The following CACNA2D3 variants were observed in gnomAD, a reference collection of about 807,000 sequenced individuals.
The protein encoded by CACNA2D3 is calcium voltage-gated channel auxiliary subunit alpha2delta 3, also known as voltage-dependent calcium channel subunit alpha-2/delta-3.
A neutral mutation model predicts 160.6 loss-of-function variants in CACNA2D3; 60 were observed. The ratio of observed to expected loss-of-function variants is 0.37; its 90% CI spans 0.30 to 0.46. The LOEUF (loss-of-function observed/expected upper bound fraction) is 0.46. Ranked by LOEUF, CACNA2D3 falls within the 20% of genes least tolerant of loss-of-function variation. CACNA2D3 has a pLI of 1.00. For synonymous variants in CACNA2D3, 558 were observed against 492.9 expected, an observed-to-expected ratio of 1.13 and a Z score of -1.75; for missense variants, 1,205 against 1,365.0, an observed-to-expected ratio of 0.88 and a Z score of 1.85.
chr3:54,345,559 G>A (rs1225779090), intron 3 of CACNA2D3, among the ~76,000 whole-genome samples: 1 of 152,116 alleles, frequency 6.6e-6, no homozygotes. Flanking sequence ...TGGTGAGAGG[G>A]CAGAGGAGCT....
intron 4 of CACNA2D3, among the ~76,000 whole-genome samples, chr3:54,431,658 G>A (rs1699992716): frequency 6.6e-6 from 1 of 152,148 alleles, no homozygotes; most frequent in Non-Finnish European, 1.5e-5. Context: ...TGTTGCCCAG[G>A]CTGGAGTGCA....
chr3:54,481,916 A>T (rs1229829439), intron 4 of CACNA2D3, among the ~76,000 whole-genome samples: 1 of 152,228 alleles, frequency 6.6e-6, no homozygotes, highest in Non-Finnish European at 1.5e-5. Flanking sequence ...GTGAAAATAT[A>T]CATATGGGGA....
intron 5 of CACNA2D3, among the ~76,000 whole-genome samples, chr3:54,526,924 C>A (rs1244290256): frequency 6.6e-6 from 1 of 152,248 alleles, no homozygotes; most frequent in East Asian, 1.9e-4. Flanking sequence ...CTGCTGATCT[C>A]AGGTGATCTG....
chr3:54,296,590 C>A (rs957552792), intron 2 of CACNA2D3, among the ~76,000 whole-genome samples: 1 of 152,188 alleles, frequency 6.6e-6, no homozygotes, highest in Non-Finnish European at 1.5e-5. Flanking sequence ...TCACATTATC[C>A]TCTAATAACG....
chr3:54,923,070 C>T (rs1034062526), intron 27 of CACNA2D3, among the ~76,000 whole-genome samples: 1 of 152,178 alleles, frequency 6.6e-6, no homozygotes, highest in Non-Finnish European at 1.5e-5. Context: ...CCTCATCTCC[C>T]TGGTTCTTCT....
At chr3:54,313,708 C>T (rs1250087210) in intron 2 of CACNA2D3, among the ~76,000 whole-genome samples, 1 of 151,998 alleles carries the variant, frequency 6.6e-6, no homozygotes, top group African/African-American at 2.4e-5. Context: ...TTGCTGCTCT[C>T]TCTTCCTGGC....
intron 2 of CACNA2D3, among the ~76,000 whole-genome samples, chr3:54,296,529 A>G (rs62254115): frequency 0.095 from 14,436 of 152,254 alleles, 896 homozygotes; most frequent in East Asian, 0.21. Context: ...ACAGCATTTA[A>G]GTGAGAACAG....
chr3:55,004,134 G>A (rs145634508), intron 31 of CACNA2D3, among the ~76,000 whole-genome samples: 11 of 152,062 alleles, frequency 7.2e-5, no homozygotes, highest in East Asian at 1.9e-4. Context: ...TACTTTTATC[G>A]CCAGTGTAGG....
At chr3:54,808,467 G>T (rs1703193375) in intron 13 of CACNA2D3, among the ~76,000 whole-genome samples, 1 of 152,114 alleles carries the variant, frequency 6.6e-6, no homozygotes, top group African/African-American at 2.4e-5. Context: ...AAAGCTAGCA[G>T]GGGAAAAGTG....
chr3:54,136,217 G>A (rs1314811911), intron 2 of CACNA2D3, among the ~76,000 whole-genome samples: 1 of 152,212 alleles, frequency 6.6e-6, no homozygotes, highest in African/African-American at 2.4e-5. Flanking sequence ...TCAGGGAACA[G>A]TCCCCTTATT....
intron 31 of CACNA2D3, among the ~76,000 whole-genome samples, chr3:54,993,670 A>G (rs989544452): frequency 2.0e-5 from 3 of 151,880 alleles, no homozygotes; most frequent in South Asian, 4.2e-4. Flanking sequence ...TTACCAACAT[A>G]CTTGTGATTT....
chr3:54,476,838 A>G (rs1002137557), intron 4 of CACNA2D3, among the ~76,000 whole-genome samples: 1 of 152,212 alleles, frequency 6.6e-6, no homozygotes, highest in African/African-American at 2.4e-5. Flanking sequence ...TTTACAAATA[A>G]TTTTGTATGG....
chr3:54,389,559 G>A (rs549595000), intron 4 of CACNA2D3, among the ~76,000 whole-genome samples: 4 of 152,210 alleles, frequency 2.6e-5, no homozygotes, highest in Admixed American at 6.5e-5. Context: ...ACAAATAATC[G>A]AAGTTAATGT....
At chr3:54,647,936 A>G (rs1297186214) in intron 11 of CACNA2D3, among the ~76,000 whole-genome samples, 2 of 152,216 alleles carry the variant, frequency 1.3e-5, no homozygotes, top group African/African-American at 4.8e-5. Context: ...GCTCTTACAC[A>G]CTTGGAATAA....
At chr3:54,453,459 C>T (rs144644744) in intron 4 of CACNA2D3, among the ~76,000 whole-genome samples, 12 of 152,156 alleles carry the variant, frequency 7.9e-5, no homozygotes, top group African/African-American at 2.9e-4. Context: ...GGACTTAATT[C>T]GACCTGAAAC....
chr3:54,282,990 C>A (rs1262602837), intron 2 of CACNA2D3, among the ~76,000 whole-genome samples: 1 of 151,988 alleles, frequency 6.6e-6, no homozygotes, highest in Non-Finnish European at 1.5e-5. Flanking sequence ...GGTCTTTATT[C>A]TTGAGGGTAC....
At chr3:54,798,730 G>A (rs1702921415) in intron 13 of CACNA2D3, among the ~76,000 whole-genome samples, 1 of 152,230 alleles carries the variant, frequency 6.6e-6, no homozygotes, top group African/African-American at 2.4e-5. Flanking sequence ...AGCAACAGGT[G>A]ATAGCAGAGT....
intron 2 of CACNA2D3, among the ~76,000 whole-genome samples, chr3:54,187,502 G>A (rs1389400500): frequency 3.9e-5 from 6 of 152,214 alleles, no homozygotes; most frequent in African/African-American, 7.2e-5. Flanking sequence ...GGAGGGTAAT[G>A]GGATCTATGA....
intron 31 of CACNA2D3, among the ~76,000 whole-genome samples, chr3:54,989,333 G>A (rs373113239): frequency 1.3e-5 from 2 of 152,266 alleles, no homozygotes; most frequent in East Asian, 3.9e-4. Context: ...TCTCCTTCAT[G>A]TGGGTGAAGT....
Sources: gnomAD v4.1 joint callset for allele counts (sites outside exome capture counted in the v4.1 genomes callset) on GRCh38, gnomAD v4.1.1 for gene constraint, MANE v1.5 for transcripts, NCBI Gene and HGNC (gene_info 2026-07-23, HGNC 2026-07-21) for gene names.